The following RBM44 variants were observed in gnomAD, a reference collection of about 807,000 sequenced individuals.
RBM44 encodes RNA binding motif protein 44.
A neutral mutation model predicts 105.1 loss-of-function variants in RBM44; 66 were observed. The observed-to-expected ratio is 0.63, with a 90% confidence interval of 0.52 to 0.77. RBM44 has a LOEUF of 0.77. Among genes scored for constraint, RBM44 ranks in the 30% least tolerant of loss-of-function variants. The pLI is 0.00. For synonymous variants in RBM44, 365 were observed against 417.6 expected, an observed-to-expected ratio of 0.87 and a Z score of 1.54; for missense variants, 1,122 against 1,207.8, an observed-to-expected ratio of 0.93 and a Z score of 1.05.
intron 2 of RBM44, 74 bp from the exon 3 acceptor site, chr2:237,816,919 A>T (rs1167143623): frequency 4.4e-6 from 4 of 914,884 alleles, no homozygotes; most frequent in Non-Finnish European, 6.4e-6. Context: ...CTTAAACCAG[A>T]TCATGTCTAA....
chr2:237,826,750 C>CT (rs2061851847), intron 10 of RBM44, among the ~76,000 whole-genome samples: 1 of 152,022 alleles, frequency 6.6e-6, no homozygotes, highest in Admixed American at 6.6e-5. Context: ...CATATACAGA[C>CT]TTTTTGGGAG....
At chr2:237,810,520 A>G (rs115628519) in intron 1 of RBM44, among the ~76,000 whole-genome samples, 77 of 152,324 alleles carry the variant, frequency 5.1e-4, no homozygotes, top group African/African-American at 1.8e-3. Flanking sequence ...TCAGAGAAGT[A>G]TTCCTTTGTT....
intron 2 of RBM44, among the ~76,000 whole-genome samples, chr2:237,815,660 C>T (rs1260815802): frequency 1.3e-5 from 2 of 151,870 alleles, no homozygotes; most frequent in African/African-American, 4.8e-5. Flanking sequence ...TATACACATA[C>T]ATATATGTAT....
At chr2:237,804,541 G>C (rs2061579471) in intron 1 of RBM44, among the ~76,000 whole-genome samples, 1 of 152,184 alleles carries the variant, frequency 6.6e-6, no homozygotes, top group African/African-American at 2.4e-5. Flanking sequence ...CTGATGATTA[G>C]TGATGCTGAA....
chr2:237,813,769 C>T (rs1290106715), intron 2 of RBM44, 87 bp downstream of exon 2: 5 of 800,528 alleles, frequency 6.2e-6, no homozygotes, highest in Non-Finnish European at 1.1e-5. Flanking sequence ...CAGGTTGCTG[C>T]TTTTTAACTC....
In RBM44 at chr2:237,834,506, CAT is replaced by C. The variant is rs370872479; in HGVS notation, c.*22+86_*22+87del. The C allele has an allele frequency of 4.3e-4, 276 of 644,430 alleles. No individual in the cohort carries two copies. In the African/African-American group the frequency reaches 4.7e-3, roughly 11 times the overall value. 39.9% of individuals were successfully genotyped at this position (644,430 alleles called of 1,614,324 possible). The stretch of plus-strand genomic sequence containing the variant: ...TTTCATTTTCTTTTTACATAAAAAA[CAT>C]ATTAAATTTAAAATAATAATATAAT... On this transcript the variant is annotated intron_variant, in intron 15 of 15. Transcript: ENST00000316997.
chr2:237,808,851 G>GTTT (rs2061626310), intron 1 of RBM44, among the ~76,000 whole-genome samples: 2 of 152,192 alleles, frequency 1.3e-5, no homozygotes, highest in African/African-American at 4.8e-5. Context: ...ACTTTTTGAT[G>GTTT]CAATCCCCTT....
In RBM44 at chr2:237,817,186, A is replaced by G; in HGVS notation, c.267A>G (p.Thr89=). 6.2e-7 allele frequency: 1 copy of G among 1,603,234 alleles called. No homozygotes were observed. Among genetic ancestry groups the G allele is most frequent in the Non-Finnish European group, 8.5e-7 (1 of 1,175,498 alleles). The change falls in exon 3 of 16, where the codon ACA becomes ACG. Residue 89 remains threonine (T), a synonymous_variant. Coordinates refer to ENST00000316997, the MANE Select transcript of RBM44 (RefSeq NM_001080504.3). ...TTTCAGTGAGTCAAGATACTAACAC[A>G]GAGAGTACTCAGTTTCAGTCAAGTG... is the stretch of plus-strand genomic sequence containing the variant. ...PFFSVSQDTN[T]ESTQFQSSEL...
intron 15 of RBM44, among the ~76,000 whole-genome samples, chr2:237,835,626 C>A (rs1479321023): frequency 6.6e-6 from 1 of 152,062 alleles, no homozygotes; most frequent in Non-Finnish European, 1.5e-5. Context: ...CACAACATTG[C>A]CTTAAGCCAA....
intron 15 of RBM44, chr2:237,834,933 AC>A (rs1321574136): frequency 6.6e-6 from 1 of 152,210 alleles, no homozygotes; most frequent in East Asian, 1.9e-4. Context: ...TGTATTATCT[AC>A]CCTCAGTAGT....
In RBM44 at chr2:237,834,286, T is replaced by C. The variant is rs191977655; in HGVS notation, c.3041T>C (p.Ile1014Thr). ...ELHPEVSRDH[I>T]INALQEVRIR... ...GTTTTCCTTTTTCATAGAGACCATA[T>C]TATAAATGCACTTCAGGAAGTGAGA... The change falls in exon 15 of 16, where the codon ATT (isoleucine) becomes ACT (threonine). Residue 1014 changes from isoleucine to threonine, a missense_variant. By Grantham distance (89) the Ile-to-Thr change is moderately conservative. Around this residue, in one of 3 missense-constraint regions of RBM44, gnomAD observed 194 missense variants for 225.5 expected, o/e 0.86. Coordinates refer to ENST00000316997, the MANE Select transcript of RBM44 (RefSeq NM_001080504.3). The C allele has an allele frequency of 2.0e-4, 320 of 1,578,020 alleles. No individual in the cohort carries two copies. Among genetic ancestry groups the C allele is most frequent in the Non-Finnish European group, 2.6e-4 (306 of 1,162,566 alleles).
intron 15 of RBM44, among the ~76,000 whole-genome samples, chr2:237,835,292 T>C (rs114409622): frequency 1.0e-3 from 155 of 152,306 alleles, no homozygotes; most frequent in African/African-American, 3.5e-3. Context: ...TTAGGCCAAC[T>C]GATAATCCTA....
chr2:237,824,198 A>G (rs2061823567), intron 9 of RBM44, 93 bp from the exon 10 acceptor site: 2 of 1,154,810 alleles, frequency 1.7e-6, no homozygotes, highest in Non-Finnish European at 2.4e-6. Context: ...TCTAGTAGTC[A>G]TCATCGTACT....
intron 2 of RBM44, 49 bp from the exon 3 acceptor site, chr2:237,816,944 C>G (rs1238840926): frequency 8.5e-7 from 1 of 1,178,036 alleles, no homozygotes; most frequent in Non-Finnish European, 1.2e-6. Flanking sequence ...TTTCTAGTGT[C>G]TAGATTCTGT....
chr2:237,834,118 C>T lies in RBM44; in HGVS notation c.3008C>T (p.Ala1003Val), dbSNP rs962701456. Residue 1003 changes from alanine (A) to valine (V), a missense_variant, in exon 14 of 16, where the codon GCT (alanine) becomes GTT (valine). By Grantham distance (64) the Ala-to-Val change is moderately conservative. Around this residue, in one of 3 missense-constraint regions of RBM44, gnomAD observed 194 missense variants for 225.5 expected, o/e 0.86. Transcript: ENST00000316997. The part of the protein sequence containing the change: ...RSFTKIIKRL[A>V]ELHPEVSRDH... Reference sequence around the variant, plus strand: ...TTTACCAAGATCATAAAGAGACTGGCTGAACTGCATCCAGAAGTCAGCAGG... The same window carrying T: ...TTTACCAAGATCATAAAGAGACTGGTTGAACTGCATCCAGAAGTCAGCAGG... 1 of 1,577,180 alleles carries T rather than the reference C, an allele frequency of 6.3e-7. No individual in the cohort carries two copies. Among genetic ancestry groups the T allele is most frequent in the Non-Finnish European group, 8.6e-7 (1 of 1,160,734 alleles).
At chr2:237,816,415 A>G (rs2061715345) in intron 2 of RBM44, among the ~76,000 whole-genome samples, 1 of 152,194 alleles carries the variant, frequency 6.6e-6, no homozygotes, top group Non-Finnish European at 1.5e-5. Flanking sequence ...GTTTCTTATT[A>G]GACCATTTTA....
intron 2 of RBM44, 54 bp downstream of exon 2, chr2:237,813,736 A>G (rs1213988455): frequency 3.4e-6 from 4 of 1,176,022 alleles, no homozygotes; most frequent in South Asian, 1.2e-5. Context: ...TGTTAAATGT[A>G]TTGTGCCAGA....
intron 1 of RBM44, among the ~76,000 whole-genome samples, chr2:237,811,416 A>G (rs1198949272): frequency 6.6e-6 from 1 of 152,004 alleles, no homozygotes; most frequent in Non-Finnish European, 1.5e-5. Context: ...CTACAGGGGC[A>G]AGCCACCATG....
chr2:237,816,960 T>C, intron 2 of RBM44, 33 bp from the exon 3 acceptor site: 1 of 1,296,744 alleles, frequency 7.7e-7, no homozygotes, highest in Non-Finnish European at 1.0e-6. Flanking sequence ...TCTGTAATGT[T>C]GCTGTTAATG....
Sources: gnomAD v4.1 joint callset for allele counts (sites outside exome capture counted in the v4.1 genomes callset) on GRCh38, gnomAD v4.1.1 for gene constraint, gnomAD v4.1.1 regional missense constraint, MANE v1.5 for transcripts, NCBI Gene and HGNC (gene_info 2026-07-23, HGNC 2026-07-21) for gene names.